RASAL2: variants seen among roughly 807,000 people sequenced by gnomAD.
RASAL2 encodes ras GTPase-activating protein nGAP.
RASAL2 carries 58 observed loss-of-function variants against 128.9 expected under a neutral mutation model. That is an observed-to-expected ratio of 0.45 (90% CI 0.36 to 0.56). The LOEUF (loss-of-function observed/expected upper bound fraction) is 0.56. RASAL2 is among the 20% of genes least tolerant of loss of function. The probability of loss-of-function intolerance (pLI) is 0.00; values close to 1 mark genes in which losing one functional copy is unlikely to be tolerated. For synonymous variants in RASAL2, 561 were observed against 580.8 expected, an observed-to-expected ratio of 0.97 and a Z score of 0.49; for missense variants, 1,360 against 1,601.6, an observed-to-expected ratio of 0.85 and a Z score of 2.57.
Position 178,473,313 on chromosome 1 carries a change from C to G in RASAL2, c.*74C>G. On this transcript the variant is annotated 3_prime_UTR_variant, in exon 18 of 18. Coordinates refer to ENST00000367649, the MANE Select transcript of RASAL2 (RefSeq NM_170692.4). ...ATCTCCAGACCTTTACCTAGCCCCT[C>G]CAGGTTTACAGAATGTTGCTACTTC... is the stretch of plus-strand genomic sequence containing the variant. 6.5e-7 allele frequency: 1 copy of G among 1,548,540 alleles called. No homozygotes were observed. Among genetic ancestry groups the G allele is most frequent in the Non-Finnish European group, 8.9e-7 (1 of 1,128,064 alleles).
intron 4 of RASAL2, among the ~76,000 whole-genome samples, chr1:178,410,662 A>G (rs1296390690): frequency 2.6e-5 from 4 of 152,234 alleles, no homozygotes; most frequent in African/African-American, 9.6e-5. Flanking sequence ...AGGAACTCAA[A>G]CAAATCAAGA....
At chr1:178,468,874 G>A (rs1647991388) in intron 17 of RASAL2, among the ~76,000 whole-genome samples, 1 of 152,214 alleles carries the variant, frequency 6.6e-6, no homozygotes, top group East Asian at 1.9e-4. Context: ...ACTAATGTTA[G>A]TAGGTTTTCA....
chr1:178,256,380 A>G (rs1665345171), intron 1 of RASAL2, among the ~76,000 whole-genome samples: 1 of 152,220 alleles, frequency 6.6e-6, no homozygotes, highest in African/African-American at 2.4e-5. Context: ...AAACATCTAC[A>G]GCTAATATCA....
In RASAL2 at chr1:178,151,139, C is replaced by T. The variant is rs572505739; in HGVS notation, c.202+56445C>T. ...TTTAGCAGCCAGGCATGGTGGCTCA[C>T]GTCTGTAAGTAATCCCAGCACTTTG... On this transcript the variant is annotated intron_variant, in intron 1 of 17. Coordinates refer to ENST00000367649, the MANE Select transcript of RASAL2 (RefSeq NM_170692.4). Among the ~76,000 whole-genome samples the T allele has an allele frequency of 1.2e-4, 18 of 152,272 alleles. No individual in the cohort carries two copies. In the South Asian group the frequency reaches 2.1e-3, roughly 18 times the overall value.
chr1:178,458,625 A>G (rs557372468), intron 14 of RASAL2, 81 bp downstream of exon 14: 2 of 1,477,204 alleles, frequency 1.4e-6, no homozygotes, highest in East Asian at 2.3e-5. Context: ...TCATTGGGAA[A>G]TCCTATTGTT....
intron 17 of RASAL2, among the ~76,000 whole-genome samples, chr1:178,468,571 A>G (rs1647966829): frequency 6.6e-6 from 1 of 152,220 alleles, no homozygotes; most frequent in Non-Finnish European, 1.5e-5. Flanking sequence ...CTTTAAACAC[A>G]CTAGACTTGG....
At position 178,094,522 on chromosome 1, in the gene RASAL2, C is replaced by A; in HGVS notation, c.30C>A (p.Ala10=). Residue 10 remains alanine (A), a synonymous_variant, in exon 1 of 18, where the codon GCC becomes GCA. Transcript: ENST00000367649. ...AGCTCTCTCCGTCGTCCGGAGGAGC[C>A]GCGGAGGCGCTGTCCTGGCCGGAGA... The part of the protein sequence containing the change: MELSPSSGG[A]AEALSWPEMF... 6.4e-7 allele frequency: 1 copy of A among 1,569,184 alleles called. No individual in the cohort carries two copies. Among genetic ancestry groups the A allele is most frequent in the South Asian group, 1.2e-5 (1 of 85,914 alleles).
At chr1:178,470,982 G>A (rs115981448) in intron 17 of RASAL2, among the ~76,000 whole-genome samples, 1 of 152,082 alleles carries the variant, frequency 6.6e-6, no homozygotes, top group Non-Finnish European at 1.5e-5. Flanking sequence ...GGCAATAGGG[G>A]GAAATACAAA....
chr1:178,226,943 A>G (rs1663812679), intron 1 of RASAL2, among the ~76,000 whole-genome samples: 1 of 152,140 alleles, frequency 6.6e-6, no homozygotes, highest in Admixed American at 6.5e-5. Context: ...GTCTCAGAAA[A>G]CAAACAGACA....
intron 1 of RASAL2, among the ~76,000 whole-genome samples, chr1:178,121,240 T>C (rs1418187927): frequency 2.0e-5 from 3 of 152,214 alleles, no homozygotes; most frequent in Non-Finnish European, 2.9e-5. Flanking sequence ...TCTTAATGTT[T>C]CCTTTCAAAA....
intron 12 of RASAL2, chr1:178,456,493 C>A: frequency 1.6e-6 from 1 of 617,614 alleles, no homozygotes; most frequent in Non-Finnish European, 2.9e-6. Context: ...GATTTCCTTT[C>A]TTTCCTCGAT....
At chr1:178,258,434 A>G (rs967433403) in intron 1 of RASAL2, among the ~76,000 whole-genome samples, 2 of 152,218 alleles carry the variant, frequency 1.3e-5, no homozygotes, top group African/African-American at 4.8e-5. Flanking sequence ...AAGACAAGCC[A>G]ATTTTAAAAA....
intron 3 of RASAL2, among the ~76,000 whole-genome samples, chr1:178,310,802 T>G (rs1477666747): frequency 6.6e-6 from 1 of 152,202 alleles, no homozygotes; most frequent in African/African-American, 2.4e-5. Flanking sequence ...ATCGCTGATT[T>G]GTAGCTGTTT....
intron 4 of RASAL2, among the ~76,000 whole-genome samples, chr1:178,409,858 G>A (rs1674245303): frequency 6.6e-6 from 1 of 152,200 alleles, no homozygotes; most frequent in Non-Finnish European, 1.5e-5. Flanking sequence ...CTCAGTACAT[G>A]GTTGGTCCAG....
chr1:178,261,259 A>C (rs1271328855), intron 1 of RASAL2, among the ~76,000 whole-genome samples: 1 of 151,152 alleles, frequency 6.6e-6, no homozygotes, highest in Non-Finnish European at 1.5e-5. Context: ...TAACTCATGG[A>C]AAACAAATAA....
chr1:178,256,431 A>T (rs1665347498), intron 1 of RASAL2, among the ~76,000 whole-genome samples: 1 of 152,232 alleles, frequency 6.6e-6, no homozygotes, highest in Non-Finnish European at 1.5e-5. Flanking sequence ...TCCTAATGTG[A>T]AAAAGATAAG....
intron 1 of RASAL2, among the ~76,000 whole-genome samples, chr1:178,192,007 A>C (rs1230304088): frequency 6.6e-6 from 1 of 152,208 alleles, no homozygotes; most frequent in Non-Finnish European, 1.5e-5. Context: ...GAACACATGC[A>C]TACATTTCAT....
chr1:178,372,326 C>A (rs187876390), intron 3 of RASAL2: 4 of 985,342 alleles, frequency 4.1e-6, no homozygotes, highest in Non-Finnish European at 4.8e-6. Flanking sequence ...TTTCTGGGTA[C>A]GGTAGGGCTT....
intron 3 of RASAL2, among the ~76,000 whole-genome samples, chr1:178,327,912 A>G (rs1669113958): frequency 6.6e-6 from 1 of 152,160 alleles, no homozygotes; most frequent in Non-Finnish European, 1.5e-5. Context: ...GAAGACAGAG[A>G]CAATGATTGG....
Sources: allele counts gnomAD v4.1 joint callset (sites outside exome capture counted in the v4.1 genomes callset), GRCh38; gene constraint gnomAD v4.1.1; transcripts MANE v1.5; gene names NCBI Gene and HGNC (gene_info 2026-07-23, HGNC 2026-07-21).